MCF2L2: variants seen among roughly 807,000 people sequenced by gnomAD.
MCF2L2 encodes the protein MCF.2 cell line derived transforming sequence-like 2, also known as probable guanine nucleotide exchange factor MCF2L2.
A neutral mutation model predicts 150.2 loss-of-function variants in MCF2L2; 102 were observed. That is an observed-to-expected ratio of 0.68 (90% CI 0.58 to 0.80). The LOEUF (loss-of-function observed/expected upper bound fraction) is 0.80, where lower values mean the gene tolerates loss of function less well. MCF2L2 is among the 30% of genes least tolerant of loss of function. MCF2L2 has a pLI of 0.00. For synonymous variants in MCF2L2, 465 were observed against 491.3 expected (o/e 0.95, Z 0.71); for missense variants, 1,256 against 1,372.8 (o/e 0.91, Z 1.34).
chr3:183,231,067 G>A (rs780876060), intron 15 of MCF2L2, 50 bp from the exon 16 acceptor site: 1 of 1,346,780 alleles, frequency 7.4e-7, no homozygotes, highest in Non-Finnish European at 1.1e-6. Flanking sequence ...GACAGGGAGA[G>A]GAGAATGTTC....
intron 1 of MCF2L2, among the ~76,000 whole-genome samples, chr3:183,411,826 G>GTT (rs1172772333): frequency 6.6e-6 from 1 of 152,126 alleles, no homozygotes; most frequent in African/African-American, 2.4e-5. Context: ...AACTACAGTT[G>GTT]TTTAACATTC....
intron 11 of MCF2L2, chr3:183,299,767 A>C (rs555745261): frequency 4.0e-4 from 190 of 471,024 alleles, no homozygotes; most frequent in Non-Finnish European, 6.4e-4. Context: ...CACAGATAGA[A>C]ATGGGCTTCA....
intron 3 of MCF2L2, chr3:183,377,766 T>C (rs1713273384): frequency 6.6e-6 from 1 of 152,102 alleles, no homozygotes; most frequent in Admixed American, 6.6e-5. Context: ...TGAATGTGCA[T>C]GAGTCAGGCC....
chr3:183,293,900 C>T (rs1177989208), intron 13 of MCF2L2, among the ~76,000 whole-genome samples: 2 of 152,070 alleles, frequency 1.3e-5, no homozygotes, highest in Admixed American at 6.6e-5. Flanking sequence ...GGCCTTTACA[C>T]TCAAAACGAC....
At chr3:183,228,151 TTACCAATTA>T in intron 18 of MCF2L2, 137 bp downstream of exon 18, 1 of 618,860 alleles carries the variant, frequency 1.6e-6, no homozygotes. Context: ...CAATTTTTAT[TTACCAATTA>T]TACTTCAGTA....
chr3:183,361,105 G>GAAAAGAAAAGAAAAT (rs1712165129), intron 3 of MCF2L2, among the ~76,000 whole-genome samples: 1 of 136,904 alleles, frequency 7.3e-6, no homozygotes, highest in Non-Finnish European at 1.6e-5. Context: ...GACAAGACAA[G>GAAAAGAAAAGAAAAT]AAAAGAAAAA....
chr3:183,412,472 T>C (rs553493047), intron 1 of MCF2L2, among the ~76,000 whole-genome samples: 8 of 152,240 alleles, frequency 5.3e-5, no homozygotes, highest in African/African-American at 1.9e-4. Flanking sequence ...CTGATTTTTG[T>C]ATTTTTAGTA....
chr3:183,389,979 T>G (rs1714049437), intron 1 of MCF2L2, among the ~76,000 whole-genome samples, 200 bp from the exon 2 acceptor site: 1 of 152,204 alleles, frequency 6.6e-6, no homozygotes. Context: ...CTTATGCATC[T>G]GAGCGTGGAA....
At chr3:183,345,489 C>T (rs536402829) in intron 3 of MCF2L2, among the ~76,000 whole-genome samples, 1 of 152,150 alleles carries the variant, frequency 6.6e-6, no homozygotes, top group East Asian at 1.9e-4. Flanking sequence ...AATCAACACC[C>T]TAACATCACA....
At chr3:183,215,387 T>A (rs1722876808) in intron 22 of MCF2L2, among the ~76,000 whole-genome samples, 1 of 152,074 alleles carries the variant, frequency 6.6e-6, no homozygotes, top group Non-Finnish European at 1.5e-5. Flanking sequence ...TTATAGGGGA[T>A]GTTTTGCCTG....
At chr3:183,374,430 G>T (rs1006225787) in intron 3 of MCF2L2, 1 of 152,384 alleles carries the variant, frequency 6.6e-6, no homozygotes, top group Non-Finnish European at 1.5e-5. Flanking sequence ...AGCACTTCGG[G>T]AGGCTGAGGC....
At chr3:183,391,500 G>T (rs1472695426) in intron 1 of MCF2L2, among the ~76,000 whole-genome samples, 2 of 152,084 alleles carry the variant, frequency 1.3e-5, no homozygotes, top group East Asian at 3.8e-4. Context: ...TAAAAAGGGG[G>T]CCTTCTCTGT....
intron 15 of MCF2L2, among the ~76,000 whole-genome samples, chr3:183,234,773 T>A: frequency 7.9e-6 from 1 of 126,268 alleles, no homozygotes; most frequent in African/African-American, 3.1e-5. Flanking sequence ...TGTATACATG[T>A]GCCATGCTGG....
At chr3:183,266,744 G>T (rs1726168932) in intron 15 of MCF2L2, among the ~76,000 whole-genome samples, 1 of 152,090 alleles carries the variant, frequency 6.6e-6, no homozygotes, top group Admixed American at 6.5e-5. Flanking sequence ...CTGTCCAAAG[G>T]GGGAAATTAC....
chr3:183,219,124 G>A (rs1723050159), intron 21 of MCF2L2, among the ~76,000 whole-genome samples: 1 of 152,076 alleles, frequency 6.6e-6, no homozygotes, highest in Non-Finnish European at 1.5e-5. Flanking sequence ...CAGACTCTTA[G>A]AGTTCACACA....
chr3:183,384,203 A>G (rs755135504), intron 2 of MCF2L2, among the ~76,000 whole-genome samples: 1 of 152,176 alleles, frequency 6.6e-6, no homozygotes, highest in Non-Finnish European at 1.5e-5. Flanking sequence ...AACCCACTCC[A>G]TCTTGCTTCT....
rs1313018757 is a variant in MCF2L2, at chr3:183,207,649, G to A, written c.2671C>T (p.Gln891Ter). 1 of 1,614,048 alleles carries A rather than the reference G, an allele frequency of 6.2e-7. No homozygotes were observed. Among genetic ancestry groups the A allele is most frequent in the Admixed American group, 1.7e-5 (1 of 60,014 alleles). ...AAGCTGTAATGAGGAGATAATCCCT[G>A]GTCCCCAGGCTCCATTCGTATCTTA... ...FCKIRMEPGD[Q>*]GLSPHYSFKK... Residue 891 changes from glutamine to a stop codon, truncating the protein, a stop_gained, in exon 23 of 30, where the codon CAG (glutamine) becomes TAG (stop). Transcript: ENST00000328913. LOFTEE classifies it high-confidence loss of function.
intron 1 of MCF2L2, among the ~76,000 whole-genome samples, chr3:183,427,539 T>C (rs529351403): frequency 6.6e-5 from 10 of 152,308 alleles, no homozygotes; most frequent in Admixed American, 6.5e-4. Flanking sequence ...GTTCCTCTTA[T>C]GCCCTCTCCT....
At chr3:183,369,518 A>C (rs1427270038) in intron 3 of MCF2L2, among the ~76,000 whole-genome samples, 1 of 152,138 alleles carries the variant, frequency 6.6e-6, no homozygotes, top group African/African-American at 2.4e-5. Context: ...CAAGAAGCTC[A>C]ATTGTGTGTG....
Sources: gnomAD v4.1 joint callset for allele counts (sites outside exome capture counted in the v4.1 genomes callset) on GRCh38, gnomAD v4.1.1 for gene constraint, MANE v1.5 for transcripts, NCBI Gene and HGNC (gene_info 2026-07-23, HGNC 2026-07-21) for gene names.